The following SLC44A5 variants were observed in gnomAD, a reference collection of about 807,000 sequenced individuals.
The protein encoded by SLC44A5 is choline transporter-like protein 5.
In SLC44A5, 57 loss-of-function variants were observed where a neutral mutation model predicts 101.8. That is an observed-to-expected ratio of 0.56 (90% CI 0.45 to 0.70). The LOEUF is 0.70. SLC44A5 is among the 30% of genes least tolerant of loss of function. The probability of loss-of-function intolerance (pLI) is 0.00; values close to 1 mark genes in which losing one functional copy is unlikely to be tolerated. For synonymous variants in SLC44A5, 281 were observed against 290.9 expected (o/e 0.97, Z 0.35); for missense variants, 737 against 853.1 (o/e 0.86, Z 1.70).
intron 1 of SLC44A5, among the ~76,000 whole-genome samples, chr1:75,568,603 T>A (rs1672909374): frequency 6.6e-6 from 1 of 152,174 alleles, no homozygotes; most frequent in Non-Finnish European, 1.5e-5. Context: ...CATACCTCTA[T>A]CTGTTTTTTC....
In SLC44A5 at chr1:75,211,503, T is replaced by C. The variant is rs748719870; in HGVS notation, c.2012A>G (p.Tyr671Cys). ...YLIAHGFFSV[Y>C]AMCVETIFIC... ...GAAAATTGTTTCAACACACATTGCA[T>C]AGACGCTGAAGAACCCATGTGCAAT... Residue 671 changes from tyrosine to cysteine, a missense_variant, in exon 23 of 24, where the codon TAT (tyrosine) becomes TGT (cysteine). By Grantham distance (194) the Tyr-to-Cys change is radical. Around this residue, in one of 3 missense-constraint regions of SLC44A5, gnomAD observed 61 missense variants for 56.5 expected, o/e 1.08. Coordinates refer to ENST00000370859, the MANE Select transcript of SLC44A5 (RefSeq NM_001130058.2). 8 of 1,612,806 alleles carry C rather than the reference T, an allele frequency of 5.0e-6. No homozygotes were observed. The East Asian group carries it at 6.7e-5, about 14-fold the overall frequency.
the SLC44A5 span, among the ~76,000 whole-genome samples, chr1:75,648,313 T>A: frequency 6.6e-6 from 1 of 152,064 alleles, no homozygotes; most frequent in South Asian, 2.1e-4. Flanking sequence ...GAACTGTGAG[T>A]CAATTAAATC....
At chr1:75,407,403 GACAATCCTAA>G (rs1426525114) in intron 2 of SLC44A5, among the ~76,000 whole-genome samples, 1 of 152,052 alleles carries the variant, frequency 6.6e-6, no homozygotes, top group Non-Finnish European at 1.5e-5. Context: ...ATATAGCCAA[GACAATCCTAA>G]ACAAAAAGAA....
intron 2 of SLC44A5, among the ~76,000 whole-genome samples, chr1:75,417,288 G>C (rs1473165476): frequency 6.6e-6 from 1 of 152,172 alleles, no homozygotes; most frequent in African/African-American, 2.4e-5. Flanking sequence ...CTCTTTGCCT[G>C]CCACCATCCA....
intron 3 of SLC44A5, among the ~76,000 whole-genome samples, chr1:75,386,206 C>G (rs1299468598): frequency 6.6e-6 from 1 of 151,916 alleles, no homozygotes; most frequent in Non-Finnish European, 1.5e-5. Flanking sequence ...AAGTTTTGGC[C>G]AGGGCAATTA....
chr1:75,643,429 G>A, the SLC44A5 span, among the ~76,000 whole-genome samples: 19 of 151,994 alleles, frequency 1.3e-4, no homozygotes, highest in South Asian at 4.1e-4. Flanking sequence ...AGCAAATATC[G>A]TTTAATTATA....
chr1:75,704,769 G>A, the SLC44A5 span, among the ~76,000 whole-genome samples: 1 of 152,100 alleles, frequency 6.6e-6, no homozygotes, highest in Non-Finnish European at 1.5e-5. Context: ...AATAATGACA[G>A]TGTTATCTTT....
intron 2 of SLC44A5, among the ~76,000 whole-genome samples, chr1:75,499,024 A>G (rs1483370251): frequency 6.6e-6 from 1 of 152,194 alleles, no homozygotes; most frequent in Non-Finnish European, 1.5e-5. Context: ...CTAAATGAAT[A>G]CTTACCACAG....
chr1:75,686,327 G>C, the SLC44A5 span, among the ~76,000 whole-genome samples: 1 of 152,210 alleles, frequency 6.6e-6, no homozygotes, highest in African/African-American at 2.4e-5. Flanking sequence ...TTAGGAGTAA[G>C]TGGGGAATGC....
intron 2 of SLC44A5, among the ~76,000 whole-genome samples, chr1:75,502,098 CAACAATAGTTTTGTT>C (rs1668991470): frequency 6.6e-6 from 1 of 152,084 alleles, no homozygotes; most frequent in South Asian, 2.1e-4. Context: ...AGTGACGTGC[CAACAATAGTTTTGTT>C]AACAAAAGCA....
chr1:75,326,530 T>TAGAC (rs955275348), intron 4 of SLC44A5, among the ~76,000 whole-genome samples: 9 of 152,140 alleles, frequency 5.9e-5, no homozygotes, highest in African/African-American at 1.9e-4. Context: ...GTTAAGGAAG[T>TAGAC]AGACATGGTC....
At chr1:75,564,052 A>T (rs562928666) in intron 1 of SLC44A5, among the ~76,000 whole-genome samples, 1 of 152,336 alleles carries the variant, frequency 6.6e-6, no homozygotes, top group South Asian at 2.1e-4. Flanking sequence ...AGATGGTGAC[A>T]ATTCTTGCCA....
At position 75,300,344 on chromosome 1, in the gene SLC44A5, A is replaced by T. The variant is rs548966483; in HGVS notation, c.175+268T>A. The stretch of plus-strand genomic sequence containing the variant: ...TATTAGAATTTCAAAAGTAACAATG[A>T]TTAAAAAGAAACCACAAACTTTTCT... On this transcript the variant is annotated intron_variant, in intron 5 of 23. Transcript: ENST00000370859. Among the ~76,000 whole-genome samples the T allele has an allele frequency of 5.3e-5, 8 of 152,304 alleles. No homozygotes were observed. The East Asian group carries it at 1.5e-3, about 29-fold the overall frequency.
intron 2 of SLC44A5, among the ~76,000 whole-genome samples, chr1:75,441,300 A>C (rs536997014): frequency 7.2e-5 from 11 of 152,144 alleles, no homozygotes; most frequent in Non-Finnish European, 2.9e-5. Flanking sequence ...GCATTCCTGA[A>C]CTCTGCTCTC....
At chr1:75,642,812 G>T in the SLC44A5 span, among the ~76,000 whole-genome samples, 1 of 152,076 alleles carries the variant, frequency 6.6e-6, no homozygotes, top group Non-Finnish European at 1.5e-5. Context: ...GGGGGTAGGG[G>T]AGAATTCTAA....
At chr1:75,266,050 C>A (rs1285062254) in intron 6 of SLC44A5, among the ~76,000 whole-genome samples, 2 of 152,116 alleles carry the variant, frequency 1.3e-5, no homozygotes, top group Non-Finnish European at 2.9e-5. Flanking sequence ...TCTCTTTGGA[C>A]ACCGTAAAAA....
chr1:75,372,234 G>C (rs983892702), intron 3 of SLC44A5, among the ~76,000 whole-genome samples: 1 of 147,126 alleles, frequency 6.8e-6, no homozygotes, highest in Non-Finnish European at 1.5e-5. Context: ...GGTAAGGAAA[G>C]AGCTTTTTCC....
intron 1 of SLC44A5, among the ~76,000 whole-genome samples, chr1:75,584,500 A>G (rs1427390045): frequency 6.6e-6 from 1 of 152,248 alleles, no homozygotes; most frequent in African/African-American, 2.4e-5. Flanking sequence ...AGACGGATTC[A>G]CTGACACTTT....
chr1:75,583,386 A>G lies in SLC44A5; in HGVS notation c.-70+27654T>C, dbSNP rs1439149576. Reference sequence around the variant, plus strand: ...CTCTCAACAAGTTCCTATGCCCTACATGTTTCCTACAATAGACAATGAGCT... The same window carrying G: ...CTCTCAACAAGTTCCTATGCCCTACGTGTTTCCTACAATAGACAATGAGCT... On this transcript the variant is annotated intron_variant, in intron 1 of 23. Transcript: ENST00000370859. Among the ~76,000 whole-genome samples the G allele has an allele frequency of 5.3e-5, 8 of 152,264 alleles. No homozygotes were observed. The East Asian group carries it at 1.5e-3, about 29-fold the overall frequency.
Sources: allele counts gnomAD v4.1 joint callset (sites outside exome capture counted in the v4.1 genomes callset), GRCh38; gene constraint gnomAD v4.1.1; regional missense constraint gnomAD v4.1.1; transcripts MANE v1.5; gene names NCBI Gene and HGNC (gene_info 2026-07-23, HGNC 2026-07-21).